The following RHPN2 variants were observed in gnomAD, a reference collection of about 807,000 sequenced individuals.
The protein encoded by RHPN2 is rhophilin Rho GTPase binding protein 2, also known as rhophilin-2.
RHPN2 carries 40 observed loss-of-function variants against 79.0 expected under a neutral mutation model. That is an observed-to-expected ratio of 0.51 (90% CI 0.39 to 0.66). The LOEUF (loss-of-function observed/expected upper bound fraction) is 0.66. Ranked by LOEUF, RHPN2 falls within the 30% of genes least tolerant of loss-of-function variation. The pLI is 0.00. For missense variants in RHPN2, 686 were observed against 883.5 expected, an observed-to-expected ratio of 0.78 and a Z score of 2.83; for synonymous variants, 285 against 363.5, an observed-to-expected ratio of 0.78 and a Z score of 2.46.
intron 14 of RHPN2, among the ~76,000 whole-genome samples, chr19:32,987,904 G>C (rs188298386): frequency 2.6e-5 from 4 of 152,186 alleles, no homozygotes; most frequent in Admixed American, 1.3e-4. Flanking sequence ...AACCAGGCCA[G>C]GCATGGTGGC....
At chr19:33,001,867 G>A (rs1971751385) in intron 9 of RHPN2, among the ~76,000 whole-genome samples, 1 of 152,186 alleles carries the variant, frequency 6.6e-6, no homozygotes, top group Non-Finnish European at 1.5e-5. Flanking sequence ...GCCTCCCAAA[G>A]TGCTGAGATT....
chr19:33,054,565 G>A (rs541038012), intron 1 of RHPN2, among the ~76,000 whole-genome samples: 4 of 152,320 alleles, frequency 2.6e-5, no homozygotes, highest in Admixed American at 2.0e-4. Context: ...TGAATGGGCA[G>A]CCCTGAGGGA....
Position 32,983,055 on chromosome 19 carries a change from T to TACACACACACACACACACACACACAC in RHPN2, c.1801-2825_1801-2800dup, listed in dbSNP as rs57230466. Reference sequence around the variant, plus strand: ...CAGGCACCCTTGCCTCCCAGATCTCTACACACACACACACACACACACACA... The same window carrying TACACACACACACACACACACACACAC: ...CAGGCACCCTTGCCTCCCAGATCTCTACACACACACACACACACACACACACACACACACACACACACACACACACA... On this transcript the variant is annotated intron_variant, in intron 14 of 14. Coordinates refer to ENST00000254260, the MANE Select transcript of RHPN2 (RefSeq NM_033103.5). 8.7e-5 allele frequency among the ~76,000 whole-genome samples: 9 copies of TACACACACACACACACACACACACAC among 103,372 alleles called. 1 individual carries two copies. The highest frequency in any genetic ancestry group is 1.5e-4 in the African/African-American group (4 of 26,316). The allele number at this position is 103,372 out of a possible 152,430, so 67.8% of individuals were successfully genotyped here. A position where few individuals can be genotyped will look rare whatever the true frequency, so the allele number is the denominator to read the frequency against.
intron 4 of RHPN2, among the ~76,000 whole-genome samples, chr19:33,017,504 G>C (rs930544805): frequency 1.3e-5 from 2 of 152,040 alleles, no homozygotes; most frequent in Non-Finnish European, 2.9e-5. Context: ...CCACAGACCA[G>C]TGGCAAGTCA....
At chr19:33,037,857 A>G (rs1217580798) in intron 2 of RHPN2, among the ~76,000 whole-genome samples, 1 of 136,210 alleles carries the variant, frequency 7.3e-6, no homozygotes, top group Admixed American at 7.6e-5. Context: ...TTCCGGACAC[A>G]CTAGGATTGC....
In RHPN2 at chr19:32,980,160, T is replaced by G. The variant is rs759812870; in HGVS notation, c.1897A>C (p.Lys633Gln). The change falls in exon 15 of 15, where the codon AAA becomes CAA. Residue 633 changes from lysine (K) to glutamine (Q), a missense_variant. By Grantham distance (53) the Lys-to-Gln change is moderately conservative. Transcript: ENST00000254260. The stretch of plus-strand genomic sequence containing the variant: ...AGGAAGGAAAGCTTCTTGGAGATTT[T>G]CTTGGTTTTATCAGTTTTGTCGTCA... Reference protein sequence around the residue: ...DDDDKTDKTKKISKKLSFLSW... With the variant: ...DDDDKTDKTKQISKKLSFLSW... 50 of 1,613,856 alleles carry G rather than the reference T, an allele frequency of 3.1e-5. No individual in the cohort carries two copies. The South Asian group carries it at 5.1e-4, about 16-fold the overall frequency.
chr19:32,993,792 G>A (rs117584195), intron 12 of RHPN2, among the ~76,000 whole-genome samples, 185 bp downstream of exon 12: 316 of 152,182 alleles, frequency 2.1e-3, no homozygotes, highest in African/African-American at 7.1e-3. Flanking sequence ...AGCAGATACC[G>A]AATCTGCCCA....
intron 10 of RHPN2, chr19:32,996,433 C>T (rs904035242): frequency 1.6e-6 from 1 of 619,638 alleles, no homozygotes; most frequent in African/African-American, 1.8e-5. Flanking sequence ...CACTTGCAGC[C>T]CCCACTTATC....
At chr19:33,053,847 G>A (rs1191854645) in intron 1 of RHPN2, among the ~76,000 whole-genome samples, 1 of 151,340 alleles carries the variant, frequency 6.6e-6, no homozygotes, top group Non-Finnish European at 1.5e-5. Context: ...GATTACAGGT[G>A]TGAGCCACCG....
intron 14 of RHPN2, among the ~76,000 whole-genome samples, chr19:32,984,761 G>T (rs1971602228): frequency 6.6e-6 from 1 of 152,062 alleles, no homozygotes; most frequent in African/African-American, 2.4e-5. Flanking sequence ...AGATCAGCTT[G>T]GATAACTTAG....
In RHPN2 at chr19:32,980,080, T is replaced by G; in HGVS notation, c.1977A>C (p.Pro659=). Residue 659 remains proline, a synonymous_variant, in exon 15 of 15, where the codon CCA becomes CCC. Transcript: ENST00000254260. The part of the protein sequence containing the change: ...RQKSASTLCL[P]SVGAARPQVK... ...CCTGAGGCCGTGCAGCCCCGACCGA[T>G]GGGAGGCACAAGGTGCTGGCTGACT... is the stretch of plus-strand genomic sequence containing the variant. 6.2e-7 allele frequency: 1 copy of G among 1,613,796 alleles called. No homozygotes were observed. The highest frequency in any genetic ancestry group is 8.5e-7 in the Non-Finnish European group (1 of 1,179,778).
chr19:33,044,520 C>T lies in RHPN2; in HGVS notation c.70-156G>A, dbSNP rs187560111. Among the ~76,000 whole-genome samples, 59 of 152,280 alleles carry T rather than the reference C, an allele frequency of 3.9e-4. 1 individual carries two copies. Among genetic ancestry groups the T allele is most frequent in the African/African-American group, 1.3e-3 (52 of 41,560 alleles). ...TTGAAAAGTATAAAGAAAAGTCGCTCATAACAACACAATTGCAAAACAGCC... is the reference window on the plus strand; with the variant it reads ...TTGAAAAGTATAAAGAAAAGTCGCTTATAACAACACAATTGCAAAACAGCC... On this transcript the variant is annotated intron_variant, in intron 1 of 14. Transcript: ENST00000254260.
Position 33,002,827 on chromosome 19 carries a change from G to A in RHPN2, c.934C>T (p.Gln312Ter). ...NEFFMLVKVA[Q>*]EAAKVGEVYQ... is the part of the protein sequence containing the mutation. ...GGGAGTCCTACCTTAGCAGCCTCCT[G>A]AGCCACCTTCACCAGCATGAAGAAT... Residue 312 changes from glutamine to a stop codon, truncating the protein, a stop_gained, in exon 8 of 15, where the codon CAG (glutamine) becomes TAG (stop). Transcript: ENST00000254260. LOFTEE classifies it high-confidence loss of function. 2 of 1,613,812 alleles carry A rather than the reference G, an allele frequency of 1.2e-6. No individual in the cohort carries two copies. The highest frequency in any genetic ancestry group is 2.2e-5 in the South Asian group (2 of 91,066).
At position 33,052,265 on chromosome 19, in the gene RHPN2, AGGCAATAGTATG is replaced by A. The variant is rs1176583331; in HGVS notation, c.70-7913_70-7902del. On this transcript the variant is annotated intron_variant, in intron 1 of 14. Coordinates refer to ENST00000254260, the MANE Select transcript of RHPN2 (RefSeq NM_033103.5). ...CTGGCACCTGCTTCCCCTCCACTAT[AGGCAATAGTATG>A]GGCCCTTCTTCTGCACAGCCAAAGA... Among the ~76,000 whole-genome samples, 5 of 152,278 alleles carry A rather than the reference AGGCAATAGTATG, an allele frequency of 3.3e-5. No individual in the cohort carries two copies. The Middle Eastern group carries it at 0.017, about 518-fold the overall frequency.
chr19:33,064,644 G>A (rs532190777), intron 1 of RHPN2, 140 bp downstream of exon 1: 2 of 733,684 alleles, frequency 2.7e-6, no homozygotes, highest in Non-Finnish European at 4.0e-6. Flanking sequence ...GCCTCCGTCC[G>A]GCCAGCGCCG....
At chr19:32,994,611 C>T (rs1403685099) in intron 11 of RHPN2, among the ~76,000 whole-genome samples, 1 of 152,058 alleles carries the variant, frequency 6.6e-6, no homozygotes, top group East Asian at 1.9e-4. Flanking sequence ...CAGACACATT[C>T]CCATGGGGTT....
intron 14 of RHPN2, among the ~76,000 whole-genome samples, chr19:32,984,978 C>A (rs1486003911): frequency 6.6e-6 from 1 of 151,256 alleles, no homozygotes; most frequent in South Asian, 2.1e-4. Context: ...TAGTGGTGCA[C>A]GCCTATAGTC....
intron 14 of RHPN2, among the ~76,000 whole-genome samples, chr19:32,982,538 C>T (rs187410826): frequency 6.6e-6 from 1 of 152,166 alleles, no homozygotes; most frequent in Admixed American, 6.6e-5. Flanking sequence ...GAAAACTGAC[C>T]GCTAACTCCA....
intron 1 of RHPN2, among the ~76,000 whole-genome samples, chr19:33,060,994 G>C (rs770036569): frequency 6.6e-6 from 1 of 152,058 alleles, no homozygotes; most frequent in Non-Finnish European, 1.5e-5. Context: ...GTGTCAAAGC[G>C]GTCTTTTTCT....
Sources: gnomAD v4.1 joint callset for allele counts (sites outside exome capture counted in the v4.1 genomes callset) on GRCh38, gnomAD v4.1.1 for gene constraint, MANE v1.5 for transcripts, NCBI Gene and HGNC (gene_info 2026-07-23, HGNC 2026-07-21) for gene names.